The following ADCY9 variants were observed in gnomAD, a reference collection of about 807,000 sequenced individuals.
ADCY9 encodes the protein adenylate cyclase type 9.
In ADCY9, 50 loss-of-function variants were observed where a neutral mutation model predicts 101.5. The ratio of observed to expected loss-of-function variants is 0.49; its 90% CI spans 0.39 to 0.62. The LOEUF is 0.62. Among genes scored for constraint, ADCY9 ranks in the 20% least tolerant of loss-of-function variants. The pLI is 0.00. For missense variants in ADCY9, 1,662 were observed against 1,800.4 expected (o/e 0.92, Z 1.39); for synonymous variants, 905 against 769.3 (o/e 1.18, Z -2.92).
intron 2 of ADCY9, among the ~76,000 whole-genome samples, chr16:4,102,733 G>GT (rs2057051558): frequency 6.6e-6 from 1 of 151,762 alleles, no homozygotes; most frequent in South Asian, 2.1e-4. Context: ...CCATGTGTTT[G>GT]TTTTTTGAGG....
At chr16:3,956,525 C>G (rs1214150783) in intron 5 of ADCY9, among the ~76,000 whole-genome samples, 1 of 90,060 alleles carries the variant, frequency 1.1e-5, no homozygotes, top group East Asian at 3.5e-4. Flanking sequence ...GAGTCTCCCT[C>G]TGTCTCCCAG....
At chr16:4,015,022 C>A (rs2056429066) in intron 2 of ADCY9, among the ~76,000 whole-genome samples, 1 of 140,646 alleles carries the variant, frequency 7.1e-6, no homozygotes, top group Non-Finnish European at 1.5e-5. Context: ...TCACTGCAAG[C>A]TCTGCCTCCC....
chr16:3,972,262 C>G (rs1460211977), intron 10 of ADCY9, among the ~76,000 whole-genome samples: 1 of 150,038 alleles, frequency 6.7e-6, no homozygotes, highest in Admixed American at 6.6e-5. Context: ...TGGAGTCTTG[C>G]TCTGTCCCCC....
chr16:4,067,667 G>C (rs1250476432), intron 2 of ADCY9, among the ~76,000 whole-genome samples: 2 of 152,052 alleles, frequency 1.3e-5, no homozygotes, highest in Non-Finnish European at 2.9e-5. Context: ...CCCCAGAGAA[G>C]TTCCGAGATC....
At chr16:4,056,121 A>T (rs535192185) in intron 2 of ADCY9, among the ~76,000 whole-genome samples, 6 of 152,366 alleles carry the variant, frequency 3.9e-5, no homozygotes, top group African/African-American at 1.2e-4. Flanking sequence ...GAGGTTGTCT[A>T]TAGAAAATTC....
intron 6 of ADCY9, among the ~76,000 whole-genome samples, chr16:3,987,959 G>C (rs2056207929): frequency 3.9e-5 from 6 of 152,052 alleles, no homozygotes; most frequent in Admixed American, 3.9e-4. Flanking sequence ...AGGAGCACTT[G>C]TGAGCGCTGG....
chr16:4,098,845 G>C (rs998712463), intron 2 of ADCY9, among the ~76,000 whole-genome samples: 4 of 152,122 alleles, frequency 2.6e-5, no homozygotes, highest in African/African-American at 7.2e-5. Flanking sequence ...GGGGGATGGA[G>C]TTTGCTGCAG....
Position 4,041,896 on chromosome 16 carries a change from G to A in ADCY9, c.1694-34338C>T, listed in dbSNP as rs116266897. On this transcript the variant is annotated intron_variant, in intron 2 of 10. Transcript: ENST00000294016. Reference sequence around the variant, plus strand: ...CCTCCCAAGTAGCTGGGACCTCAGGGATGTGCCACTGCCCCCAGCTAAGTT... The same window carrying A: ...CCTCCCAAGTAGCTGGGACCTCAGGAATGTGCCACTGCCCCCAGCTAAGTT... 8.0e-3 allele frequency among the ~76,000 whole-genome samples: 1,188 copies of A among 148,466 alleles called. 15 individuals are homozygous for A. The highest frequency in any genetic ancestry group is 0.028 in the African/African-American group (1,117 of 40,498).
rs190290779 is a variant in ADCY9, at chr16:4,064,125, T to A, written c.1693+49625A>T. Among the ~76,000 whole-genome samples, 232 of 152,328 alleles carry A rather than the reference T, an allele frequency of 1.5e-3. 1 individual carries two copies. The highest frequency in any genetic ancestry group is 5.3e-3 in the African/African-American group (220 of 41,576). ...AAAATCAATATCAGGAAATCAACTGTTTTGTGTATACCAGCAATGAACAAT... is the reference window on the plus strand; with the variant it reads ...AAAATCAATATCAGGAAATCAACTGATTTGTGTATACCAGCAATGAACAAT... On this transcript the variant is annotated intron_variant, in intron 2 of 10. Coordinates refer to ENST00000294016, the MANE Select transcript of ADCY9 (RefSeq NM_001116.4).
intron 2 of ADCY9, among the ~76,000 whole-genome samples, chr16:4,029,964 G>A (rs1470830271): frequency 6.6e-6 from 1 of 152,102 alleles, no homozygotes; most frequent in African/African-American, 2.4e-5. Flanking sequence ...CCACCAGAGT[G>A]GCTGCAATTC....
rs114366489 is a variant in ADCY9, at chr16:4,021,978, C to A, written c.1694-14420G>T. On this transcript the variant is annotated intron_variant, in intron 2 of 10. Transcript: ENST00000294016. ...ACTTAATTTGCAATGTCCTCTTTTC[C>A]ATCATGAAATAAAATTAAATTCATG... 4.0e-3 allele frequency among the ~76,000 whole-genome samples: 603 copies of A among 152,304 alleles called. 4 individuals are homozygous for A. The highest frequency in any genetic ancestry group is 0.014 in the African/African-American group (574 of 41,550).
rs2055991865 is a variant in ADCY9 at position 3,966,142 on chromosome 16, T to C, written c.3695A>G (p.Lys1232Arg). 1 of 1,614,254 alleles carries C rather than the reference T, an allele frequency of 6.2e-7. No individual in the cohort carries two copies. The highest frequency in any genetic ancestry group is 8.5e-7 in the Non-Finnish European group (1 of 1,180,052). ...GTAGGTCTTCATCTGGCCTTTCCCC[T>C]TGACATTCACGGTCCCTCTGTAGTC... ...DFDYRGTVNV[K>R]GKGQMKTYLY... Residue 1232 changes from lysine (K) to arginine (R), a missense_variant, in exon 11 of 11, where the codon AAG (lysine) becomes AGG (arginine). Lys to Arg is a conservative substitution (Grantham distance 26, BLOSUM62 2). Around this residue, in one of 5 missense-constraint regions of ADCY9, gnomAD observed 220 missense variants for 312.9 expected, o/e 0.70. Coordinates refer to ENST00000294016, the MANE Select transcript of ADCY9 (RefSeq NM_001116.4).
At chr16:4,027,601 A>G (rs568266440) in intron 2 of ADCY9, among the ~76,000 whole-genome samples, 4 of 152,168 alleles carry the variant, frequency 2.6e-5, no homozygotes, top group Admixed American at 1.3e-4. Context: ...GATCAACTGG[A>G]CGTGGTGGCT....
chr16:4,048,922 G>A (rs191189247), intron 2 of ADCY9, among the ~76,000 whole-genome samples: 1 of 152,230 alleles, frequency 6.6e-6, no homozygotes, highest in Non-Finnish European at 1.5e-5. Flanking sequence ...CTGGTCTCCA[G>A]CTCACAACTC....
At chr16:4,092,202 G>A (rs1335249269) in intron 2 of ADCY9, among the ~76,000 whole-genome samples, 5 of 152,176 alleles carry the variant, frequency 3.3e-5, no homozygotes, top group Admixed American at 6.5e-5. Context: ...TCCAGGAAAC[G>A]GAGGTTGCAG....
At chr16:4,071,362 A>AAAAAAAC (rs2056833386) in intron 2 of ADCY9, among the ~76,000 whole-genome samples, 1 of 131,256 alleles carries the variant, frequency 7.6e-6, no homozygotes, top group Non-Finnish European at 1.7e-5. Flanking sequence ...AAAAAAAAAA[A>AAAAAAAC]AATCAAAAAA....
rs2055980154 is a variant in ADCY9, at chr16:3,965,350, A to G, written c.*425T>C. Reference sequence around the variant, plus strand: ...CATAGACAGAAACAAAATAAACTCAAAAACAGGGTATTAGCCAGAGAACCG... The same window carrying G: ...CATAGACAGAAACAAAATAAACTCAGAAACAGGGTATTAGCCAGAGAACCG... On this transcript the variant is annotated 3_prime_UTR_variant, in exon 11 of 11. Transcript: ENST00000294016. 1 of 201,444 alleles carries G rather than the reference A, an allele frequency of 5.0e-6. No individual in the cohort carries two copies. Among genetic ancestry groups the G allele is most frequent in the African/African-American group, 2.3e-5 (1 of 42,728 alleles). 12.5% of individuals were successfully genotyped at this position (201,444 alleles called of 1,614,324 possible).
chr16:3,993,978 C>T (rs183466711), intron 3 of ADCY9, among the ~76,000 whole-genome samples: 11 of 152,156 alleles, frequency 7.2e-5, no homozygotes, highest in African/African-American at 2.7e-4. Flanking sequence ...CAGGCGGGAC[C>T]GGGGGCAGGA....
At chr16:3,961,917 T>C (rs925029973), downstream of ADCY9, among the ~76,000 whole-genome samples, 8 of 151,878 alleles carry the variant, frequency 5.3e-5, no homozygotes, top group African/African-American at 1.9e-4. Context: ...TCCCAGCTGC[T>C]AGGGAGGCTG....
Sources: gnomAD v4.1 joint callset for allele counts (sites outside exome capture counted in the v4.1 genomes callset) on GRCh38, gnomAD v4.1.1 for gene constraint, gnomAD v4.1.1 regional missense constraint, MANE v1.5 for transcripts, NCBI Gene and HGNC (gene_info 2026-07-23, HGNC 2026-07-21) for gene names.